TLL2: variants seen among roughly 807,000 people sequenced by gnomAD.
The protein encoded by TLL2 is tolloid-like protein 2.
Under a neutral mutation model 123.0 loss-of-function variants are expected in TLL2, and 106 were observed. The observed-to-expected ratio is 0.86, with a 90% CI of 0.74 to 1.01. The LOEUF (loss-of-function observed/expected upper bound fraction) is 1.01, where lower values mean the gene tolerates loss of function less well. Among genes scored for constraint, TLL2 ranks in the 50% least tolerant of loss-of-function variants. TLL2 has a pLI of 0.00. For missense variants in TLL2, 1,332 were observed against 1,336.7 expected, an observed-to-expected ratio of 1.00 and a Z score of 0.06; for synonymous variants, 494 against 516.8, an observed-to-expected ratio of 0.96 and a Z score of 0.60.
At chr10:96,420,451 C>T (rs1302527777) in intron 7 of TLL2, among the ~76,000 whole-genome samples, 3 of 152,216 alleles carry the variant, frequency 2.0e-5, no homozygotes, top group Non-Finnish European at 4.4e-5. Context: ...GAACCTGGAT[C>T]CTTGCTCTCA....
At chr10:96,460,273 C>T (rs1239731187) in intron 2 of TLL2, among the ~76,000 whole-genome samples, 1 of 152,164 alleles carries the variant, frequency 6.6e-6, no homozygotes, top group African/African-American at 2.4e-5. Context: ...GCAAACACTT[C>T]ACAGAAGAAA....
chr10:96,414,278 C>A (rs778925988), intron 7 of TLL2, among the ~76,000 whole-genome samples: 1 of 152,172 alleles, frequency 6.6e-6, no homozygotes, highest in Non-Finnish European at 1.5e-5. Flanking sequence ...TCCTTCCCTT[C>A]TTAACCAAGT....
intron 19 of TLL2, 139 bp downstream of exon 19, chr10:96,373,457 T>C: frequency 1.3e-6 from 1 of 785,562 alleles, no homozygotes; most frequent in Non-Finnish European, 2.0e-6. Flanking sequence ...TTCATTTTAA[T>C]AGGACATTTT....
rs527822607 is a variant in TLL2 at position 96,492,006 on chromosome 10, C to T, written c.176-11547G>A. ...GGGGGCTGCAAAAGATAACCATGAT[C>T]TGAGCCTTGCAGGGCAAGGCTCATC... On this transcript the variant is annotated intron_variant, in intron 1 of 20. Transcript: ENST00000357947. Among the ~76,000 whole-genome samples, 98 of 152,248 alleles carry T rather than the reference C, an allele frequency of 6.4e-4. 1 individual carries two copies. Among genetic ancestry groups the T allele is most frequent in the Middle Eastern group, 3.4e-3 (1 of 294 alleles).
At chr10:96,504,836 A>G (rs1403642378) in intron 1 of TLL2, among the ~76,000 whole-genome samples, 1 of 152,016 alleles carries the variant, frequency 6.6e-6, no homozygotes, top group Non-Finnish European at 1.5e-5. Context: ...TCACCGTGTC[A>G]TCTCTACTAA....
chr10:96,410,461 G>A lies in TLL2; in HGVS notation c.1062C>T (p.Thr354=), dbSNP rs1273663312. The A allele has an allele frequency of 1.2e-6, 2 of 1,613,712 alleles. No homozygotes were observed. Among genetic ancestry groups the A allele is most frequent in the Non-Finnish European group, 1.7e-6 (2 of 1,179,940 alleles). Residue 354 remains threonine, a synonymous_variant, in exon 9 of 21, where the codon ACC becomes ACT. Transcript: ENST00000357947. ...AAAAGTTTCCCGTTGTGTCCTGCAG[G>A]GTCTCCCCACACGCTGCACAAGCAA... ...KLYKCPACGE[T]LQDTTGNFSA...
In TLL2 at chr10:96,429,184, T is replaced by C. The variant is rs117214913; in HGVS notation, c.521-436A>G. On this transcript the variant is annotated intron_variant, in intron 4 of 20. Transcript: ENST00000357947. ...AAAAAAGATTGTTAATAATACTGTATTGTTTACTTGAAATTTGATAAAAGA... is the reference window on the plus strand; with the variant it reads ...AAAAAAGATTGTTAATAATACTGTACTGTTTACTTGAAATTTGATAAAAGA... 2.5e-3 allele frequency among the ~76,000 whole-genome samples: 375 copies of C among 152,282 alleles called. 10 individuals carry two copies. In the East Asian group the frequency reaches 0.063, roughly 26 times the overall value.
At chr10:96,401,715 T>C (rs1846399161) in intron 10 of TLL2, among the ~76,000 whole-genome samples, 1 of 152,164 alleles carries the variant, frequency 6.6e-6, no homozygotes, top group Non-Finnish European at 1.5e-5. Flanking sequence ...AAAAAGGAAC[T>C]CCTGGAAATC....
At chr10:96,394,626 G>A (rs1846319979) in intron 13 of TLL2, among the ~76,000 whole-genome samples, 1 of 152,182 alleles carries the variant, frequency 6.6e-6, no homozygotes, top group African/African-American at 2.4e-5. Context: ...TCCAGGAGCT[G>A]AACACCTGGG....
intron 7 of TLL2, among the ~76,000 whole-genome samples, chr10:96,415,898 C>G (rs1471688394): frequency 3.3e-5 from 5 of 149,352 alleles, no homozygotes. Flanking sequence ...TTTTCTAAAT[C>G]AGATTTCAAG....
intron 18 of TLL2, 166 bp from the exon 19 acceptor site, chr10:96,373,975 A>G (rs1250390909): frequency 1.6e-6 from 1 of 624,726 alleles, no homozygotes; most frequent in African/African-American, 1.8e-5. Flanking sequence ...ATCTGTAGAG[A>G]GGGTCTCAAC....
chr10:96,406,652 T>C (rs967862632), intron 9 of TLL2, among the ~76,000 whole-genome samples: 1 of 152,140 alleles, frequency 6.6e-6, no homozygotes, highest in Admixed American at 6.5e-5. Flanking sequence ...TTGTGCCCCA[T>C]GACCCCTCTG....
Position 96,370,105 on chromosome 10 carries a change from T to C in TLL2, c.2873A>G (p.Asp958Gly). The C allele has an allele frequency of 1.9e-6, 3 of 1,612,092 alleles. No homozygotes were observed. The highest frequency in any genetic ancestry group is 2.2e-5 in the East Asian group (1 of 44,822). Residue 958 changes from aspartate to glycine, a missense_variant, in exon 20 of 21, where the codon GAC becomes GGC. By Grantham distance (94) the Asp-to-Gly change is moderately conservative. Coordinates refer to ENST00000357947, the MANE Select transcript of TLL2 (RefSeq NM_012465.4). ...GCGGCCGAGCCTGGGCGCTGAGCTG[T>C]CGTAGCCGTCGTAGGCTTCCATGTA... ...YDYMEAYDGY[D>G]SSAPRLGRFC...
chr10:96,438,132 C>T (rs1846814929), intron 3 of TLL2, among the ~76,000 whole-genome samples: 2 of 152,034 alleles, frequency 1.3e-5, no homozygotes, highest in African/African-American at 2.4e-5. Flanking sequence ...TTGTCTATGC[C>T]TGCAAAAAAT....
chr10:96,395,857 G>A lies in TLL2; in HGVS notation c.1530+18C>T, dbSNP rs201490629. 9 of 1,612,330 alleles carry A rather than the reference G, an allele frequency of 5.6e-6. No homozygotes were observed. The highest frequency in any genetic ancestry group is 1.7e-4 in the Middle Eastern group (1 of 6,048). Reference sequence around the variant, plus strand: ...AAAGTTGCCGTTTCCTTGGGAAGCCGGTCTGAGCAGCACTCACCTCAAAAG... The same window carrying A: ...AAAGTTGCCGTTTCCTTGGGAAGCCAGTCTGAGCAGCACTCACCTCAAAAG... On this transcript the variant is annotated intron_variant, in intron 12 of 20. Transcript: ENST00000357947.
At chr10:96,453,167 G>A (rs1401860830) in intron 2 of TLL2, among the ~76,000 whole-genome samples, 1 of 152,096 alleles carries the variant, frequency 6.6e-6, no homozygotes, top group Non-Finnish European at 1.5e-5. Flanking sequence ...TTTAAAACAG[G>A]CAATAAGGCT....
In TLL2 at chr10:96,434,023, C is replaced by T. The variant is rs923149348; in HGVS notation, c.365-1061G>A. The stretch of plus-strand genomic sequence containing the variant: ...CTCCTGACCTCAAGTGATCCACCCG[C>T]CTAGGCCTCCCAAAGTGCTGGGATT... On this transcript the variant is annotated intron_variant, in intron 3 of 20. Coordinates refer to ENST00000357947, the MANE Select transcript of TLL2 (RefSeq NM_012465.4). Among the ~76,000 whole-genome samples, 5 of 152,304 alleles carry T rather than the reference C, an allele frequency of 3.3e-5. No homozygotes were observed. In the South Asian group the frequency reaches 8.3e-4, roughly 25 times the overall value.
At chr10:96,487,571 A>G (rs1847369660) in intron 1 of TLL2, among the ~76,000 whole-genome samples, 1 of 152,056 alleles carries the variant, frequency 6.6e-6, no homozygotes, top group Non-Finnish European at 1.5e-5. Flanking sequence ...AAGTAGGTGG[A>G]GTTGGGGGAG....
rs1187760318 is a variant in TLL2, at chr10:96,366,553, GC to G, written c.*1534del. 1.3e-5 allele frequency: 2 copies of G among 152,350 alleles called. No homozygotes were observed. The highest frequency in any genetic ancestry group is 4.8e-5 in the African/African-American group (2 of 41,326). 9.4% of individuals were successfully genotyped at this position (152,350 alleles called of 1,614,324 possible). A position where few individuals can be genotyped will look rare whatever the true frequency, so the allele number is the denominator to read the frequency against. On this transcript the variant is annotated 3_prime_UTR_variant, in exon 21 of 21. Transcript: ENST00000357947. ...CTTTCTTTGTATCATTCTAGTTTTT[GC>G]TCCCAGCAATCACTTTAATGAGACA...
Sources: allele counts gnomAD v4.1 joint callset (sites outside exome capture counted in the v4.1 genomes callset), GRCh38; gene constraint gnomAD v4.1.1; transcripts MANE v1.5; gene names NCBI Gene and HGNC (gene_info 2026-07-23, HGNC 2026-07-21).